THADA: variants seen among roughly 807,000 people sequenced by gnomAD.
The protein encoded by THADA is THADA armadillo repeat containing.
A neutral mutation model predicts 219.8 loss-of-function variants in THADA; 213 were observed. That is an observed-to-expected ratio of 0.97 (90% CI 0.87 to 1.09). THADA has a LOEUF of 1.09. Among genes scored for constraint, THADA ranks in the 50% least tolerant of loss-of-function variants. The pLI, the probability that THADA is intolerant of heterozygous loss-of-function variation, is 0.00. For missense variants in THADA, 2,956 were observed against 2,311.3 expected, an observed-to-expected ratio of 1.28 and a Z score of -5.72; for synonymous variants, 1,018 against 828.9, an observed-to-expected ratio of 1.23 and a Z score of -3.92.
chr2:43,280,932 G>C (rs1472783116), intron 35 of THADA, among the ~76,000 whole-genome samples: 1 of 152,246 alleles, frequency 6.6e-6, no homozygotes, highest in Non-Finnish European at 1.5e-5. Context: ...AGAGTGGACT[G>C]CTGTAACTGA....
chr2:43,297,870 G>A (rs1675734760), intron 31 of THADA, among the ~76,000 whole-genome samples: 1 of 111,816 alleles, frequency 8.9e-6, no homozygotes, highest in Admixed American at 8.0e-5. Flanking sequence ...TCCGGGAGGT[G>A]AGGGGCGCCT....
chr2:43,396,662 TG>T (rs995141965), intron 29 of THADA, among the ~76,000 whole-genome samples: 1 of 151,498 alleles, frequency 6.6e-6, no homozygotes, highest in African/African-American at 2.4e-5. Flanking sequence ...TTAGTGACTG[TG>T]GGGACAGGGG....
chr2:43,255,974 G>C (rs989259416), intron 36 of THADA, among the ~76,000 whole-genome samples: 9 of 152,170 alleles, frequency 5.9e-5, no homozygotes, highest in African/African-American at 2.2e-4. Context: ...CTCGGTCACA[G>C]ACCATTAGGT....
At chr2:43,404,934 G>A (rs772866863) in intron 28 of THADA, among the ~76,000 whole-genome samples, 1 of 152,204 alleles carries the variant, frequency 6.6e-6, no homozygotes, top group Admixed American at 6.5e-5. Context: ...AGACAGGCAG[G>A]TGGAATAATT....
At chr2:43,382,028 T>C (rs944785354) in intron 29 of THADA, among the ~76,000 whole-genome samples, 5 of 152,026 alleles carry the variant, frequency 3.3e-5, no homozygotes, top group Non-Finnish European at 1.5e-5. Flanking sequence ...TAAGCCCAAA[T>C]TGAGGAACTT....
intron 25 of THADA, among the ~76,000 whole-genome samples, chr2:43,492,951 C>A (rs1453244857): frequency 1.3e-5 from 2 of 152,160 alleles, no homozygotes; most frequent in Non-Finnish European, 2.9e-5. Context: ...AAGCTCCATG[C>A]CAAGGCACGC....
intron 14 of THADA, among the ~76,000 whole-genome samples, 166 bp from the exon 15 acceptor site, chr2:43,566,987 AC>A (rs1294251239): frequency 6.6e-6 from 1 of 152,126 alleles, no homozygotes; most frequent in Non-Finnish European, 1.5e-5. Context: ...TCAGGTTAGC[AC>A]CCTTGACCAT....
intron 1 of THADA, among the ~76,000 whole-genome samples, chr2:43,594,040 G>C (rs949253430): frequency 1.2e-4 from 18 of 152,166 alleles, no homozygotes; most frequent in East Asian, 9.7e-4. Flanking sequence ...CTAAGGACTG[G>C]GCTACCTTTT....
chr2:43,331,385 A>C (rs890815277), intron 30 of THADA, among the ~76,000 whole-genome samples: 1 of 152,236 alleles, frequency 6.6e-6, no homozygotes, highest in African/African-American at 2.4e-5. Flanking sequence ...GAGAGACTAG[A>C]AACTCTGATG....
intron 36 of THADA, among the ~76,000 whole-genome samples, chr2:43,265,332 T>C (rs936416348): frequency 1.3e-5 from 2 of 152,134 alleles, no homozygotes; most frequent in African/African-American, 4.8e-5. Context: ...AGTATAAAAA[T>C]AGTGTGAAAA....
At chr2:43,402,742 A>G (rs1675015245) in intron 28 of THADA, among the ~76,000 whole-genome samples, 2 of 152,228 alleles carry the variant, frequency 1.3e-5, no homozygotes, top group Admixed American at 1.3e-4. Context: ...CAGAAGAACC[A>G]GCCAATGATT....
At chr2:43,568,341 C>G (rs1698917640) in intron 14 of THADA, among the ~76,000 whole-genome samples, 1 of 152,310 alleles carries the variant, frequency 6.6e-6, no homozygotes, top group African/African-American at 2.4e-5. Flanking sequence ...TCTTCTCCCC[C>G]AGCACTTAGT....
chr2:43,541,257 T>G lies in THADA; in HGVS notation c.3166A>C (p.Ser1056Arg). Residue 1056 changes from serine (S) to arginine (R), a missense_variant, in exon 21 of 38, where the codon AGT (serine) becomes CGT (arginine). By Grantham distance (110) the Ser-to-Arg change is moderately radical. Transcript: ENST00000405975. ...AQMVLVCCWR[S>R]MKEVALLLGM... ...AAAAGTAAAGCAACTTCCTTCATAC[T>G]TCTCCAACAACATACCAGCACCATC... 1 of 1,612,944 alleles carries G rather than the reference T, an allele frequency of 6.2e-7. No individual in the cohort carries two copies. Among genetic ancestry groups the G allele is most frequent in the Non-Finnish European group, 8.5e-7 (1 of 1,179,452 alleles).
chr2:43,543,762 T>C (rs1230141995), intron 20 of THADA, among the ~76,000 whole-genome samples: 2 of 152,240 alleles, frequency 1.3e-5, no homozygotes, highest in African/African-American at 4.8e-5. Flanking sequence ...TTGTAGATTC[T>C]GCATATTAGC....
chr2:43,567,041 A>G (rs1278583668), intron 14 of THADA, among the ~76,000 whole-genome samples: 4 of 152,112 alleles, frequency 2.6e-5, no homozygotes, highest in Non-Finnish European at 5.9e-5. Flanking sequence ...TTGCAGAGTC[A>G]ACAAGAAGTA....
intron 21 of THADA, among the ~76,000 whole-genome samples, chr2:43,536,420 G>C (rs1181870118): frequency 6.6e-6 from 1 of 151,928 alleles, no homozygotes; most frequent in Non-Finnish European, 1.5e-5. Flanking sequence ...ATACATCTCA[G>C]GATTTTTATA....
intron 30 of THADA, among the ~76,000 whole-genome samples, chr2:43,342,013 C>A (rs569170423): frequency 2.6e-5 from 4 of 152,278 alleles, no homozygotes; most frequent in Admixed American, 2.6e-4. Context: ...GAGTTCGAGA[C>A]CAGCCTGGGC....
intron 20 of THADA, among the ~76,000 whole-genome samples, chr2:43,545,421 A>G (rs1189244290): frequency 2.0e-5 from 3 of 150,400 alleles, no homozygotes; most frequent in Non-Finnish European, 3.0e-5. Context: ...CTCTTTTTCT[A>G]TTGATTGGAA....
At chr2:43,371,657 T>C (rs1449391567) in intron 29 of THADA, among the ~76,000 whole-genome samples, 1 of 152,222 alleles carries the variant, frequency 6.6e-6, no homozygotes, top group Non-Finnish European at 1.5e-5. Flanking sequence ...TTTGATTCTT[T>C]TGTTAACTCA....
Sources: gnomAD v4.1 joint callset for allele counts (sites outside exome capture counted in the v4.1 genomes callset) on GRCh38, gnomAD v4.1.1 for gene constraint, MANE v1.5 for transcripts, NCBI Gene and HGNC (gene_info 2026-07-23, HGNC 2026-07-21) for gene names.